CYP11A1: variants seen among roughly 807,000 people sequenced by gnomAD.
CYP11A1 encodes the protein cholesterol side-chain cleavage enzyme, mitochondrial.
Under a neutral mutation model 51.9 loss-of-function variants are expected in CYP11A1, and 25 were observed. The observed-to-expected ratio is 0.48, with a 90% CI of 0.35 to 0.67. The LOEUF (loss-of-function observed/expected upper bound fraction) is 0.67. Among genes scored for constraint, CYP11A1 ranks in the 30% least tolerant of loss-of-function variants. CYP11A1 has a pLI of 0.00. For missense variants in CYP11A1, 578 were observed against 680.9 expected (o/e 0.85, Z 1.68); for synonymous variants, 245 against 262.1 (o/e 0.93, Z 0.63).
intron 1 of CYP11A1, among the ~76,000 whole-genome samples, chr15:74,364,910 G>A (rs925782347): frequency 6.6e-6 from 1 of 152,110 alleles, no homozygotes; most frequent in Non-Finnish European, 1.5e-5. Context: ...GGGGTGGGGG[G>A]AGCTCCCTGC....
In CYP11A1 at chr15:74,343,874, G is replaced by T; in HGVS notation, c.744C>A (p.Leu248=). 1.2e-6 allele frequency: 2 copies of T among 1,613,994 alleles called. No homozygotes were observed. Among genetic ancestry groups the T allele is most frequent in the Non-Finnish European group, 1.7e-6 (2 of 1,180,020 alleles). ...GACGGAACAGGTCTGGGGGAAGGTT[G>T]AGCATGGGGACGCTGGTGTGGAACA... ...YQMFHTSVPM[L]NLPPDLFRLF... is the part of the protein sequence containing the mutation. The change falls in exon 4 of 9, where the codon CTC becomes CTA. Residue 248 remains leucine, a synonymous_variant. Coordinates refer to ENST00000268053, the MANE Select transcript of CYP11A1 (RefSeq NM_000781.3).
At position 74,366,557 on chromosome 15, in the gene CYP11A1, T is replaced by C. The variant is rs2060734680; in HGVS notation, c.269+760A>G. On this transcript the variant is annotated intron_variant, in intron 1 of 8. Transcript: ENST00000268053. ...TTGATCTCGAACTCCTGTCCTCAAGTGATCCGCCTGCCTCAGCCTCCCAAA... is the reference window on the plus strand; with the variant it reads ...TTGATCTCGAACTCCTGTCCTCAAGCGATCCGCCTGCCTCAGCCTCCCAAA... Among the ~76,000 whole-genome samples the C allele has an allele frequency of 2.0e-5, 3 of 151,816 alleles. No individual in the cohort carries two copies. The South Asian group carries it at 6.3e-4, about 32-fold the overall frequency.
At chr15:74,352,247 A>ATGT (rs1324999449) in intron 1 of CYP11A1, among the ~76,000 whole-genome samples, 1 of 133,748 alleles carries the variant, frequency 7.5e-6, no homozygotes, top group Non-Finnish European at 1.6e-5. Flanking sequence ...TTTGAATTTT[A>ATGT]TGTTTGTCTT....
At position 74,338,682 on chromosome 15, in the gene CYP11A1, C is replaced by T. The variant is rs750370186; in HGVS notation, c.1323G>A (p.Leu441=). 30 of 1,614,064 alleles carry T rather than the reference C, an allele frequency of 1.9e-5. No homozygotes were observed. In the South Asian group the frequency reaches 3.3e-4, roughly 18 times the overall value. Residue 441 remains leucine, a synonymous_variant, in exon 8 of 9, where the codon CTG becomes CTA. Coordinates refer to ENST00000268053, the MANE Select transcript of CYP11A1 (RefSeq NM_000781.3). ...DPENFDPTRW[L]SKDKNITYFR... is the part of the protein sequence containing the mutation. ...AGTAGGTGATGTTCTTGTCTTTGCT[C>T]AGCCATCGGGTTGGGTCAAAATTTT...
At chr15:74,343,336 A>G (rs1479067531) in intron 4 of CYP11A1, among the ~76,000 whole-genome samples, 199 bp from the exon 5 acceptor site, 1 of 152,108 alleles carries the variant, frequency 6.6e-6, no homozygotes, top group Non-Finnish European at 1.5e-5. Flanking sequence ...GGTATGTGAC[A>G]TCATCCCCAT....
intron 2 of CYP11A1, 81 bp downstream of exon 2, chr15:74,347,819 A>C: frequency 6.7e-7 from 1 of 1,501,670 alleles, no homozygotes; most frequent in South Asian, 1.2e-5. Context: ...GCCTGGCCTC[A>C]GCCCCTCACC....
At position 74,343,152 on chromosome 15, in the gene CYP11A1, G is replaced by A. The variant is rs1392396216; in HGVS notation, c.830-15C>T. 6.2e-7 allele frequency: 1 copy of A among 1,613,270 alleles called. No homozygotes were observed. The highest frequency in any genetic ancestry group is 8.5e-7 in the Non-Finnish European group (1 of 1,179,924). ...GTATATGTCAGCTGTGGGGAAGGAG[G>A]AAAGAAAAAAGAGTGAGGTTCCCTG... is the stretch of plus-strand genomic sequence containing the variant. On this transcript the variant is annotated splice_polypyrimidine_tract_variant and intron_variant, in intron 4 of 8. Coordinates refer to ENST00000268053, the MANE Select transcript of CYP11A1 (RefSeq NM_000781.3).
At chr15:74,348,253 CAA>C in intron 1 of CYP11A1, 198 bp from the exon 2 acceptor site, 1 of 608,508 alleles carries the variant, frequency 1.6e-6, no homozygotes, top group Non-Finnish European at 2.9e-6. Context: ...TGCTGAAGGA[CAA>C]GACAATAGGA....
At chr15:74,339,902 C>A in intron 5 of CYP11A1, 149 bp from the exon 6 acceptor site, 1 of 721,566 alleles carries the variant, frequency 1.4e-6, no homozygotes, top group East Asian at 2.7e-5. Flanking sequence ...TCTGCAAGAG[C>A]AAAACACATT....
In CYP11A1 at chr15:74,343,442, G is replaced by A. The variant is rs552969022; in HGVS notation, c.830-305C>T. Among the ~76,000 whole-genome samples the A allele has an allele frequency of 4.6e-5, 7 of 152,236 alleles. No homozygotes were observed. The South Asian group carries it at 1.0e-3, about 23-fold the overall frequency. ...GGATTTGACTCTGCCATACCCTGAC[G>A]AGCCTTCTCCACCCAACCTTCCCCA... is the stretch of plus-strand genomic sequence containing the variant. On this transcript the variant is annotated intron_variant, in intron 4 of 8. Coordinates refer to ENST00000268053, the MANE Select transcript of CYP11A1 (RefSeq NM_000781.3).
At chr15:74,347,469 C>G (rs1299462115) in intron 2 of CYP11A1, among the ~76,000 whole-genome samples, 2 of 152,190 alleles carry the variant, frequency 1.3e-5, no homozygotes, top group East Asian at 3.9e-4. Context: ...CTTAAATACA[C>G]TGATCTGTCC....
chr15:74,339,839 A>G, intron 5 of CYP11A1, 86 bp from the exon 6 acceptor site: 1 of 1,345,626 alleles, frequency 7.4e-7, no homozygotes, highest in Non-Finnish European at 1.1e-6. Flanking sequence ...GTAAATTTTC[A>G]TTTCCAAGAA....
At chr15:74,352,722 G>A (rs1212807905) in intron 1 of CYP11A1, among the ~76,000 whole-genome samples, 1 of 152,168 alleles carries the variant, frequency 6.6e-6, no homozygotes, top group African/African-American at 2.4e-5. Flanking sequence ...TCTCCCACCT[G>A]TGATCTGAAA....
intron 1 of CYP11A1, chr15:74,361,440 C>T (rs2060708352): frequency 1.1e-5 from 4 of 351,778 alleles, no homozygotes; most frequent in Non-Finnish European, 2.2e-5. Context: ...AATTACATAT[C>T]AAGAAAAGAC....
intron 1 of CYP11A1, chr15:74,365,301 G>A (rs2060727030): frequency 7.9e-6 from 1 of 126,540 alleles, no homozygotes; most frequent in African/African-American, 2.7e-5. Flanking sequence ...GAGGCACAGA[G>A]GCCCAAAGAC....
chr15:74,340,309 T>C (rs1385654409), intron 5 of CYP11A1, among the ~76,000 whole-genome samples: 1 of 152,308 alleles, frequency 6.6e-6, no homozygotes, highest in East Asian at 1.9e-4. Flanking sequence ...GTGTTGAAAT[T>C]AATCAGCTAA....
At chr15:74,367,175 T>C in intron 1 of CYP11A1, 142 bp downstream of exon 1, 5 of 777,584 alleles carry the variant, frequency 6.4e-6, no homozygotes, top group Non-Finnish European at 1.0e-5. Context: ...TGTATTGTAT[T>C]ACCAAAAAAA....
intron 1 of CYP11A1, chr15:74,366,091 G>C (rs950051261): frequency 1.0e-6 from 1 of 985,416 alleles, no homozygotes; most frequent in Non-Finnish European, 1.2e-6. Context: ...GGGAGGCGGA[G>C]GTGAGCGACC....
chr15:74,342,568 A>G (rs929698465), intron 5 of CYP11A1, among the ~76,000 whole-genome samples: 13 of 152,066 alleles, frequency 8.5e-5, no homozygotes, highest in African/African-American at 3.1e-4. Flanking sequence ...CGGCCTCCCA[A>G]TGTTTCCGGG....
Sources: allele counts gnomAD v4.1 joint callset (sites outside exome capture counted in the v4.1 genomes callset), GRCh38; gene constraint gnomAD v4.1.1; transcripts MANE v1.5; gene names NCBI Gene and HGNC (gene_info 2026-07-23, HGNC 2026-07-21).